OPA1: variants seen among roughly 807,000 people sequenced by gnomAD.
OPA1 encodes OPA1 mitochondrial dynamin like GTPase, also known as dynamin-like GTPase OPA1, mitochondrial.
Under a neutral mutation model 152.9 loss-of-function variants are expected in OPA1, and 59 were observed. That is an observed-to-expected ratio of 0.39 (90% CI 0.31 to 0.48). The LOEUF is 0.48. Among genes scored for constraint, OPA1 ranks in the 20% least tolerant of loss-of-function variants. The pLI, the probability that OPA1 is intolerant of heterozygous loss-of-function variation, is 0.96. For missense variants in OPA1, 1,008 were observed against 1,216.8 expected, an observed-to-expected ratio of 0.83 and a Z score of 2.55; for synonymous variants, 400 against 389.9, an observed-to-expected ratio of 1.03 and a Z score of -0.31.
At chr3:193,622,892 C>A (rs1486423014) in intron 6 of OPA1, among the ~76,000 whole-genome samples, 1 of 152,068 alleles carries the variant, frequency 6.6e-6, no homozygotes, top group Non-Finnish European at 1.5e-5. Flanking sequence ...ATTTTGGTCC[C>A]CTCAATTTTT....
intron 1 of OPA1, among the ~76,000 whole-genome samples, chr3:193,600,828 G>A (rs541665649): frequency 1.3e-5 from 2 of 152,326 alleles, no homozygotes; most frequent in African/African-American, 4.8e-5. Context: ...CCAACTGTTA[G>A]TTGCTCCTAT....
intron 27 of OPA1, 66 bp from the exon 28 acceptor site, chr3:193,666,230 T>C (rs1716509764): frequency 2.4e-5 from 31 of 1,314,410 alleles, no homozygotes; most frequent in Non-Finnish European, 3.4e-5. Flanking sequence ...AGTAGTTGTA[T>C]GTGTTTACGA....
chr3:193,610,301 C>T (rs1277610769), intron 1 of OPA1, among the ~76,000 whole-genome samples: 1 of 152,212 alleles, frequency 6.6e-6, no homozygotes, highest in Non-Finnish European at 1.5e-5. Context: ...TGGAGGTCCA[C>T]TCCAGACCAT....
In OPA1 at chr3:193,658,925, A is replaced by G. The variant is rs1714567581; in HGVS notation, c.2370A>G (p.Ile790Met). ...IQHNALEDRS[I>M]SDKQQWDAAI... ...ACAATGCTTTGGAAGACCGATCCAT[A>G]TCTGATAAACAGCAATGGGATGCAG... Residue 790 changes from isoleucine (I) to methionine (M), a missense_variant, in exon 24 of 31, where the codon ATA (isoleucine) becomes ATG (methionine). This residue lies in a region of OPA1 where 229 missense variants were observed against 269.0 expected (regional missense o/e 0.85). Transcript: ENST00000361510. 3 of 1,613,834 alleles carry G rather than the reference A, an allele frequency of 1.9e-6. No homozygotes were observed. Among genetic ancestry groups the G allele is most frequent in the Non-Finnish European group, 2.5e-6 (3 of 1,179,844 alleles).
intron 21 of OPA1, among the ~76,000 whole-genome samples, chr3:193,652,923 G>T (rs1039253672): frequency 3.9e-5 from 6 of 152,132 alleles, no homozygotes; most frequent in Non-Finnish European, 2.9e-5. Flanking sequence ...ATTTTAAAAA[G>T]GGTGTCAGGG....
At position 193,645,810 on chromosome 3, in the gene OPA1, T is replaced by C. The variant is rs2109059140; in HGVS notation, c.1754+10T>C. 1.3e-6 allele frequency: 2 copies of C among 1,591,470 alleles called. No homozygotes were observed. The highest frequency in any genetic ancestry group is 1.7e-6 in the Non-Finnish European group (2 of 1,160,066). ...ATTCAAAGCTCCTAAAGTAGGTATC[T>C]TGTTAAAACATTTAAACATTTTACA... On this transcript the variant is annotated intron_variant, in intron 18 of 30. Coordinates refer to ENST00000361510, the MANE Select transcript of OPA1 (RefSeq NM_130837.3).
chr3:193,663,655 G>A (rs1352426930), intron 26 of OPA1, among the ~76,000 whole-genome samples: 2 of 151,884 alleles, frequency 1.3e-5, no homozygotes, highest in Admixed American at 1.3e-4. Context: ...AGTCTAGTGG[G>A]GAAAGCAATC....
At chr3:193,676,791 T>C (rs71316212) in intron 29 of OPA1, among the ~76,000 whole-genome samples, 21,320 of 151,982 alleles carry the variant, frequency 0.14, 1,941 homozygotes, top group Non-Finnish European at 0.2. Context: ...CCATCCTGGC[T>C]AACACAGTGA....
intron 1 of OPA1, chr3:193,614,030 G>A: frequency 1.9e-6 from 1 of 513,852 alleles, no homozygotes; most frequent in Non-Finnish European, 3.9e-6. Flanking sequence ...TATGGTTGTT[G>A]GTAACCTTTC....
chr3:193,640,000 T>C (rs551790908), intron 11 of OPA1, among the ~76,000 whole-genome samples: 11 of 152,078 alleles, frequency 7.2e-5, no homozygotes, highest in Non-Finnish European at 1.3e-4. Context: ...AATTGAAGGA[T>C]GTAGTTTGCA....
At position 193,617,263 on chromosome 3, in the gene OPA1, A is replaced by C; in HGVS notation, c.534A>C (p.Leu178Phe). Reference protein sequence around the residue: ...DFDKIVESLSLLKDFFTSGHK... With the variant: ...DFDKIVESLSFLKDFFTSGHK... Reference sequence around the variant, plus strand: ...ACAAGATTGTTGAAAGCCTTAGCTTATTGAAGGACTTTTTTACCTCAGGTA... The same window carrying C: ...ACAAGATTGTTGAAAGCCTTAGCTTCTTGAAGGACTTTTTTACCTCAGGTA... The change falls in exon 4 of 31, where the codon TTA (leucine) becomes TTC (phenylalanine). Residue 178 changes from leucine (L) to phenylalanine (F), a missense_variant. Leu to Phe is a conservative substitution (Grantham distance 22). Coordinates refer to ENST00000361510, the MANE Select transcript of OPA1 (RefSeq NM_130837.3). 6.2e-7 allele frequency: 1 copy of C among 1,611,090 alleles called. No individual in the cohort carries two copies. Among genetic ancestry groups the C allele is most frequent in the Non-Finnish European group, 8.5e-7 (1 of 1,177,464 alleles).
chr3:193,643,477 T>C (rs1377349060), intron 14 of OPA1, 33 bp downstream of exon 14: 1 of 1,606,508 alleles, frequency 6.2e-7, no homozygotes, highest in Non-Finnish European at 8.5e-7. Flanking sequence ...TTTTATTTTA[T>C]TCTTATTGTG....
intron 1 of OPA1, among the ~76,000 whole-genome samples, chr3:193,610,706 T>G (rs1266356840): frequency 6.6e-6 from 1 of 152,206 alleles, no homozygotes; most frequent in African/African-American, 2.4e-5. Context: ...TCCCAGCTGC[T>G]TTTTTTACCT....
intron 22 of OPA1, 39 bp downstream of exon 22, chr3:193,655,066 T>C (rs746881313): frequency 1.9e-6 from 3 of 1,581,758 alleles, no homozygotes; most frequent in Admixed American, 3.3e-5. Flanking sequence ...AGAAGCATTA[T>C]CTGAAGGGAG....
chr3:193,683,596 T>C (rs945237357), intron 29 of OPA1, among the ~76,000 whole-genome samples: 1 of 152,156 alleles, frequency 6.6e-6, no homozygotes, highest in Non-Finnish European at 1.5e-5. Flanking sequence ...TGTTGTCTTA[T>C]TTTAAGAAAT....
At chr3:193,604,375 C>G (rs1308289529) in intron 1 of OPA1, among the ~76,000 whole-genome samples, 2 of 152,156 alleles carry the variant, frequency 1.3e-5, no homozygotes, top group Non-Finnish European at 2.9e-5. Flanking sequence ...TTTTAGTGAG[C>G]TCATACAGTG....
Position 193,650,562 on chromosome 3 carries a change from AT to A in OPA1, c.2012+1694del, listed in dbSNP as rs1712152759. Among the ~76,000 whole-genome samples the A allele has an allele frequency of 1.3e-5, 2 of 152,184 alleles. 1 individual carries two copies. Among genetic ancestry groups the A allele is most frequent in the Middle Eastern group, 6.3e-3 (2 of 316 alleles). On this transcript the variant is annotated intron_variant, in intron 21 of 30. Coordinates refer to ENST00000361510, the MANE Select transcript of OPA1 (RefSeq NM_130837.3). The stretch of plus-strand genomic sequence containing the variant: ...GACACTGCCTAAAATGTTTACAATT[AT>A]TTAAGTCATAAGACTGTTTGATCTA...
At position 193,609,006 on chromosome 3, in the gene OPA1, C is replaced by T. The variant is rs1317429138; in HGVS notation, c.33-5717C>T. On this transcript the variant is annotated intron_variant, in intron 1 of 30. Transcript: ENST00000361510. ...CTTTGTTGGTTTAAAGTCTGTTTTACCAGAGACTAGGATTGAAACCCCTGC... is the reference window on the plus strand; with the variant it reads ...CTTTGTTGGTTTAAAGTCTGTTTTATCAGAGACTAGGATTGAAACCCCTGC... Among the ~76,000 whole-genome samples, 6 of 152,124 alleles carry T rather than the reference C, an allele frequency of 3.9e-5. No individual in the cohort carries two copies. In the South Asian group the frequency reaches 6.3e-4, roughly 16 times the overall value.
intron 6 of OPA1, among the ~76,000 whole-genome samples, chr3:193,622,757 C>T (rs1400064752): frequency 1.3e-5 from 2 of 152,154 alleles, no homozygotes; most frequent in African/African-American, 4.8e-5. Flanking sequence ...TCGGCCATTT[C>T]TGTTACTAAA....
Sources: gnomAD v4.1 joint callset for allele counts (sites outside exome capture counted in the v4.1 genomes callset) on GRCh38, gnomAD v4.1.1 for gene constraint, gnomAD v4.1.1 regional missense constraint, MANE v1.5 for transcripts, NCBI Gene and HGNC (gene_info 2026-07-23, HGNC 2026-07-21) for gene names.